FHIT: variants seen among roughly 807,000 people sequenced by gnomAD.
The protein encoded by FHIT is fragile histidine triad diadenosine triphosphatase, also known as bis(5'-adenosyl)-triphosphatase.
In FHIT, 19 loss-of-function variants were observed where a neutral mutation model predicts 17.9. The ratio of observed to expected loss-of-function variants is 1.06; its 90% CI spans 0.74 to 1.56. The LOEUF (loss-of-function observed/expected upper bound fraction) is 1.56. Among genes scored for constraint, FHIT ranks in the 40% most tolerant of loss-of-function variants. The pLI is 0.00. For missense variants in FHIT, 248 were observed against 189.2 expected (o/e 1.31, Z -1.82); for synonymous variants, 81 against 69.7 (o/e 1.16, Z -0.81).
chr3:60,554,099 G>T (rs149616379), intron 4 of FHIT, among the ~76,000 whole-genome samples: 1 of 150,788 alleles, frequency 6.6e-6, no homozygotes, highest in Admixed American at 6.6e-5. Flanking sequence ...CTCAAAAAAA[G>T]AAAAAAAACG....
intron 8 of FHIT, among the ~76,000 whole-genome samples, chr3:59,921,599 T>C (rs1705407198): frequency 6.6e-6 from 1 of 152,232 alleles, no homozygotes; most frequent in South Asian, 2.1e-4. Flanking sequence ...TAATCTGCTC[T>C]ACCGTGTGGG....
At chr3:59,854,799 T>A (rs1376929954) in intron 8 of FHIT, among the ~76,000 whole-genome samples, 1 of 140,474 alleles carries the variant, frequency 7.1e-6, no homozygotes, top group Non-Finnish European at 1.6e-5. Context: ...TCTCATTAAG[T>A]GAGCAGAGAG....
chr3:60,443,629 G>C (rs930362039), intron 5 of FHIT, among the ~76,000 whole-genome samples: 1 of 152,238 alleles, frequency 6.6e-6, no homozygotes, highest in African/African-American at 2.4e-5. Flanking sequence ...AAGCCCACTT[G>C]ATCATGGTGG....
At chr3:60,200,228 T>G (rs2107491094) in intron 5 of FHIT, among the ~76,000 whole-genome samples, 1 of 152,266 alleles carries the variant, frequency 6.6e-6, no homozygotes, top group East Asian at 1.9e-4. Context: ...GACGTGCTAA[T>G]GAGAGTTCTG....
At chr3:60,316,724 A>G (rs1709181347) in intron 5 of FHIT, among the ~76,000 whole-genome samples, 1 of 152,202 alleles carries the variant, frequency 6.6e-6, no homozygotes, top group Non-Finnish European at 1.5e-5. Flanking sequence ...GTAACTTAGC[A>G]CAGCATATTT....
intron 5 of FHIT, among the ~76,000 whole-genome samples, chr3:60,021,288 A>G (rs1700544841): frequency 6.6e-6 from 1 of 152,194 alleles, no homozygotes; most frequent in Non-Finnish European, 1.5e-5. Flanking sequence ...ACATGCCCTG[A>G]GCTGCCCTCA....
chr3:60,794,745 G>C (rs1413072773), intron 4 of FHIT, among the ~76,000 whole-genome samples: 1 of 152,146 alleles, frequency 6.6e-6, no homozygotes, highest in Non-Finnish European at 1.5e-5. Flanking sequence ...CCGTAAATGA[G>C]TTTGATTTAT....
intron 4 of FHIT, among the ~76,000 whole-genome samples, chr3:60,709,464 G>C (rs138160294): frequency 2.0e-4 from 30 of 152,220 alleles, no homozygotes; most frequent in Non-Finnish European, 3.4e-4. Flanking sequence ...TTCTTTAAAA[G>C]TTACTTGCAG....
intron 5 of FHIT, among the ~76,000 whole-genome samples, chr3:60,159,988 C>G (rs897251260): frequency 1.3e-5 from 2 of 152,146 alleles, no homozygotes; most frequent in African/African-American, 4.8e-5. Flanking sequence ...GTAAAAATTA[C>G]GGACATAGGA....
rs187881625 is a variant in FHIT at position 59,778,057 on chromosome 3, G to T, written c.349-25736C>A. On this transcript the variant is annotated intron_variant, in intron 8 of 9. Transcript: ENST00000492590. ...TCTGAGATGTCTGTGTGTTTAATTGGTTTTTTCTGTCTCTCCTACTAGAGT... is the reference window on the plus strand; with the variant it reads ...TCTGAGATGTCTGTGTGTTTAATTGTTTTTTTCTGTCTCTCCTACTAGAGT... Among the ~76,000 whole-genome samples the T allele has an allele frequency of 5.0e-3, 763 of 152,214 alleles. 3 individuals are homozygous for T. The highest frequency in any genetic ancestry group is 8.0e-3 in the Non-Finnish European group (547 of 68,008).
intron 8 of FHIT, among the ~76,000 whole-genome samples, chr3:59,801,799 G>GT (rs1700004390): frequency 6.6e-6 from 1 of 152,152 alleles, no homozygotes; most frequent in Non-Finnish European, 1.5e-5. Flanking sequence ...TCGGGTATCT[G>GT]GCCTCCACTT....
chr3:61,111,985 T>C (rs1322309451), intron 2 of FHIT, among the ~76,000 whole-genome samples: 1 of 152,180 alleles, frequency 6.6e-6, no homozygotes, highest in Non-Finnish European at 1.5e-5. Context: ...CATGGGCACA[T>C]TCAGTTTTTC....
intron 3 of FHIT, among the ~76,000 whole-genome samples, chr3:60,937,870 C>G (rs1708258982): frequency 6.6e-6 from 1 of 152,030 alleles, no homozygotes; most frequent in Admixed American, 6.6e-5. Context: ...CCCTCTGCTA[C>G]TTTTCTTCAC....
At chr3:59,952,655 A>T (rs1707178645) in intron 7 of FHIT, among the ~76,000 whole-genome samples, 1 of 152,194 alleles carries the variant, frequency 6.6e-6, no homozygotes, top group African/African-American at 2.4e-5. Context: ...TAAGGGGGAA[A>T]ACATGGTTAA....
intron 3 of FHIT, among the ~76,000 whole-genome samples, chr3:60,910,981 C>T (rs72889161): frequency 7.9e-5 from 12 of 152,042 alleles, no homozygotes; most frequent in East Asian, 3.9e-4. Flanking sequence ...GGGAAGAAAC[C>T]GGAGATTTTA....
intron 1 of FHIT, among the ~76,000 whole-genome samples, chr3:61,217,756 C>T (rs2039726854): frequency 6.6e-6 from 1 of 152,034 alleles, no homozygotes; most frequent in African/African-American, 2.4e-5. Context: ...GAAACATAAG[C>T]AAAAATTAAA....
intron 3 of FHIT, among the ~76,000 whole-genome samples, chr3:61,014,779 CAAA>C (rs869289360): frequency 4.6e-4 from 30 of 65,798 alleles, no homozygotes; most frequent in East Asian, 3.4e-3. Flanking sequence ...GACTCTGCCT[CAAA>C]AAAAAAAAAA....
chr3:60,255,396 T>A (rs922911914), intron 5 of FHIT, among the ~76,000 whole-genome samples: 3 of 152,076 alleles, frequency 2.0e-5, no homozygotes, highest in Non-Finnish European at 2.9e-5. Context: ...CAAAGACAGA[T>A]GTCTTTAGGG....
chr3:60,326,663 T>C (rs1010840747), intron 5 of FHIT, among the ~76,000 whole-genome samples: 1 of 152,156 alleles, frequency 6.6e-6, no homozygotes, highest in Non-Finnish European at 1.5e-5. Context: ...CCAGAGTGAA[T>C]GGTAATTACT....
Sources: allele counts gnomAD v4.1 joint callset (sites outside exome capture counted in the v4.1 genomes callset), GRCh38; gene constraint gnomAD v4.1.1; transcripts MANE v1.5; gene names NCBI Gene and HGNC (gene_info 2026-07-23, HGNC 2026-07-21).